Variants in BTD observed in about 807,000 individuals in gnomAD.
BTD encodes the protein biotinidase.
BTD carries 13 observed loss-of-function variants against 17.7 expected under a neutral mutation model. The ratio of observed to expected loss-of-function variants is 0.74; its 90% CI spans 0.48 to 1.17. BTD has a LOEUF of 1.17. Among genes scored for constraint, BTD ranks in the 50% most tolerant of loss-of-function variants. BTD has a pLI of 0.00. For missense variants in BTD, 674 were observed against 650.4 expected, an observed-to-expected ratio of 1.04 and a Z score of -0.39; for synonymous variants, 240 against 245.2, an observed-to-expected ratio of 0.98 and a Z score of 0.20.
In BTD at chr3:15,635,140, G is replaced by C. The variant is rs1481983059; in HGVS notation, c.-16-284G>C. ...GAAAAGTGGGTAGTGACGCACTACA[G>C]TCTTGCTGAACACTGGGTAAGAAAA... On this transcript the variant is annotated intron_variant, in intron 1 of 3. Transcript: ENST00000643237. The surrounding 1 kb of genome is among the most constrained non-coding windows in gnomAD (Gnocchi z 4.1). 6.6e-6 allele frequency among the ~76,000 whole-genome samples: 1 copy of C among 152,248 alleles called. No homozygotes were observed.
rs397514400 is a variant in BTD at position 15,644,962 on chromosome 3, C to T, written c.1046C>T (p.Pro349Leu). 3.0e-5 allele frequency: 49 copies of T among 1,614,160 alleles called. No individual in the cohort carries two copies. The highest frequency in any genetic ancestry group is 2.2e-4 in the South Asian group (20 of 91,068). Residue 349 changes from proline to leucine, a missense_variant, in exon 4 of 4, where the codon CCG becomes CTG. Coordinates refer to ENST00000643237, the MANE Select transcript of BTD (RefSeq NM_001370658.1). ...SKFLKILSGD[P>L]YCEKDAQEVH... ...TTTTTAAAAATTTTGTCAGGCGATCCGTACTGTGAGAAGGATGCTCAGGAA... is the reference window on the plus strand; with the variant it reads ...TTTTTAAAAATTTTGTCAGGCGATCTGTACTGTGAGAAGGATGCTCAGGAA...
intron 3 of BTD, among the ~76,000 whole-genome samples, chr3:15,699,770 C>T (rs1213176954): frequency 6.6e-6 from 1 of 152,208 alleles, no homozygotes; most frequent in African/African-American, 2.4e-5. Context: ...AATAGGCATG[C>T]TTTTACACTG....
chr3:15,618,710 A>G (rs905671742), intron 1 of BTD, among the ~76,000 whole-genome samples: 9 of 152,030 alleles, frequency 5.9e-5, no homozygotes, highest in Non-Finnish European at 1.3e-4. Context: ...TATTTTTCAT[A>G]GAGATGGGGT....
At chr3:15,721,636 T>A (rs60181548) in intron 4 of BTD, among the ~76,000 whole-genome samples, 2,591 of 152,336 alleles carry the variant, frequency 0.017, 72 homozygotes, top group African/African-American at 0.059. Flanking sequence ...TAATTCATTT[T>A]TTGCCACAAA....
intron 3 of BTD, among the ~76,000 whole-genome samples, chr3:15,664,775 A>G (rs2065960475): frequency 6.6e-6 from 1 of 152,238 alleles, no homozygotes; most frequent in African/African-American, 2.4e-5. Context: ...GTAAAGAGAA[A>G]GAAATATAAG....
intron 3 of BTD, among the ~76,000 whole-genome samples, chr3:15,663,758 C>G (rs535556529): frequency 7.3e-4 from 111 of 152,032 alleles, no homozygotes; most frequent in Non-Finnish European, 1.4e-3. Context: ...TTAAAAAAAC[C>G]CAAGTCTTGA....
intron 3 of BTD, chr3:15,669,602 GA>G (rs1208183277): frequency 6.6e-6 from 1 of 151,084 alleles, no homozygotes; most frequent in Non-Finnish European, 1.5e-5. Flanking sequence ...TTCTGTAAAA[GA>G]AAAAAATGTA....
intron 3 of BTD, among the ~76,000 whole-genome samples, chr3:15,704,979 A>T (rs2071160384): frequency 6.6e-6 from 1 of 152,186 alleles, no homozygotes; most frequent in Non-Finnish European, 1.5e-5. Context: ...CAACTCTAAC[A>T]GGGAGGTTTC....
chr3:15,634,157 G>A (rs974937322), intron 1 of BTD, among the ~76,000 whole-genome samples: 4 of 152,182 alleles, frequency 2.6e-5, no homozygotes, highest in Non-Finnish European at 4.4e-5. Flanking sequence ...AAAGAGCTAT[G>A]GTTTGTTTCT....
intron 2 of BTD, among the ~76,000 whole-genome samples, chr3:15,636,496 A>G (rs2065352886): frequency 6.6e-6 from 1 of 152,182 alleles, no homozygotes. Context: ...CCTGCTGGAA[A>G]ACACAAACCC....
In BTD at chr3:15,685,183, T is replaced by C. The variant is rs1024979983; in HGVS notation, c.400-24877T>C. The C allele has an allele frequency of 1.9e-6, 3 of 1,591,112 alleles. No homozygotes were observed. In the South Asian group the frequency reaches 3.3e-5, roughly 18 times the overall value. On this transcript the variant is annotated intron_variant, in intron 3 of 3. Transcript: ENST00000672141. ...TATAAATATGTCATTCTTTTATCTCTGTTCACTACACAATGATATGCATTT... is the reference window on the plus strand; with the variant it reads ...TATAAATATGTCATTCTTTTATCTCCGTTCACTACACAATGATATGCATTT...
intron 4 of BTD, chr3:15,720,836 T>C: frequency 7.9e-7 from 1 of 1,258,524 alleles, no homozygotes; most frequent in Non-Finnish European, 1.1e-6. Context: ...TTCCTTTTTA[T>C]TGCTCAATGG....
At chr3:15,614,129 T>C (rs1480074336) in intron 1 of BTD, among the ~76,000 whole-genome samples, 4 of 150,462 alleles carry the variant, frequency 2.7e-5, no homozygotes, top group Admixed American at 6.6e-5. Context: ...TTCTTTCTTT[T>C]TTTTTTTTTT....
chr3:15,604,516 C>T lies in BTD; in HGVS notation c.-17+2622C>T, dbSNP rs144862611. 3.7e-3 allele frequency among the ~76,000 whole-genome samples: 560 copies of T among 152,286 alleles called. 1 individual carries two copies. Among genetic ancestry groups the T allele is most frequent in the African/African-American group, 0.013 (528 of 41,562 alleles). On this transcript the variant is annotated intron_variant, in intron 1 of 3. Coordinates refer to ENST00000643237, the MANE Select transcript of BTD (RefSeq NM_001370658.1). ...CCTGTTGTGAAGGTCTCTGACATGC[C>T]CTGGAGACATTTTCCCCATTGTCTT...
chr3:15,632,693 G>T (rs532944314), intron 1 of BTD: 1 of 152,110 alleles, frequency 6.6e-6, no homozygotes, highest in African/African-American at 2.4e-5. Context: ...CAGTCGTCCC[G>T]TGCATAACCT....
intron 3 of BTD, among the ~76,000 whole-genome samples, chr3:15,708,295 C>T (rs914289756): frequency 2.0e-5 from 3 of 152,122 alleles, no homozygotes; most frequent in Admixed American, 2.0e-4. Flanking sequence ...TATTTCATCG[C>T]CTCCAGGCAG....
intron 3 of BTD, among the ~76,000 whole-genome samples, chr3:15,707,408 C>T (rs909843507): frequency 1.3e-5 from 2 of 152,162 alleles, no homozygotes; most frequent in African/African-American, 4.8e-5. Context: ...ATCTAATTTA[C>T]CTATTTAAGC....
At chr3:15,687,373 T>C (rs1166726424) in intron 3 of BTD, among the ~76,000 whole-genome samples, 2 of 152,076 alleles carry the variant, frequency 1.3e-5, no homozygotes, top group Non-Finnish European at 2.9e-5. Context: ...AAATGATCCA[T>C]CTAAAGAATG....
At chr3:15,688,998 T>A (rs2068472884) in intron 3 of BTD, among the ~76,000 whole-genome samples, 1 of 152,238 alleles carries the variant, frequency 6.6e-6, no homozygotes, top group South Asian at 2.1e-4. Flanking sequence ...GTTTTGTTGA[T>A]AAAGTGTTTC....
Sources: allele counts gnomAD v4.1 joint callset (sites outside exome capture counted in the v4.1 genomes callset), GRCh38; gene constraint gnomAD v4.1.1; non-coding constraint Gnocchi (gnomAD v3.1); transcripts MANE v1.5; gene names NCBI Gene and HGNC (gene_info 2026-07-23, HGNC 2026-07-21).